Variants in REN observed in about 807,000 individuals in gnomAD.
REN encodes renin.
A neutral mutation model predicts 48.6 loss-of-function variants in REN; 42 were observed. The ratio of observed to expected loss-of-function variants is 0.86; its 90% confidence interval spans 0.68 to 1.12. REN has a LOEUF of 1.12. REN is among the 50% of genes most tolerant of loss of function. The pLI, the probability that REN is intolerant of heterozygous loss-of-function variation, is 0.00. For missense variants in REN, 443 were observed against 527.3 expected, an observed-to-expected ratio of 0.84 and a Z score of 1.57; for synonymous variants, 196 against 204.6, an observed-to-expected ratio of 0.96 and a Z score of 0.36.
At position 204,162,022 on chromosome 1, in the gene REN, G is replaced by A. The variant is rs370445623; in HGVS notation, c.240C>T (p.Asn80=). The A allele has an allele frequency of 6.2e-7, 1 of 1,614,094 alleles. No homozygotes were observed. Among genetic ancestry groups the A allele is most frequent in the African/African-American group, 1.3e-5 (1 of 74,930 alleles). ...TGAGCCAAGCACTCACGTCCATGTA[G>A]TTGGTGAGGATCACGGAGGAGGTGG... ...GNTTSSVILT[N]YMDTQYYGEI... Residue 80 remains asparagine, a synonymous_variant, in exon 2 of 10, where the codon AAC becomes AAT. Coordinates refer to ENST00000272190, the MANE Select transcript of REN (RefSeq NM_000537.4).
Position 204,156,843 on chromosome 1 carries a change from C to T in REN, c.699-47G>A, listed in dbSNP as rs1321123521. 6.8e-6 allele frequency: 11 copies of T among 1,610,462 alleles called. No homozygotes were observed. The highest frequency in any genetic ancestry group is 9.3e-6 in the Non-Finnish European group (11 of 1,179,918). ...CTTGGAAACCCATAACCTCCAGGAC[C>T]CAGCAACTCAGGCAATTGGGGAAGG... On this transcript the variant is annotated intron_variant, in intron 6 of 9. Transcript: ENST00000272190. The surrounding 1 kb of genome is among the most constrained non-coding windows in gnomAD (Gnocchi z 4.2).
At chr1:204,162,546 G>A (rs1658267088) in intron 1 of REN, among the ~76,000 whole-genome samples, 1 of 152,226 alleles carries the variant, frequency 6.6e-6, no homozygotes, top group African/African-American at 2.4e-5. Flanking sequence ...CTGCCTTTAA[G>A]GAACTCCACC....
intron 5 of REN, 46 bp downstream of exon 5, chr1:204,159,353 T>G (rs1220710919): frequency 6.4e-7 from 1 of 1,559,868 alleles, no homozygotes; most frequent in Non-Finnish European, 8.8e-7. Flanking sequence ...CCATCTCTTC[T>G]CCCCTCCTGT....
rs538950580 is a variant in REN, at chr1:204,160,732, C to T, written c.374-54G>A. 1.0e-5 allele frequency: 13 copies of T among 1,295,268 alleles called. No homozygotes were observed. The East Asian group carries it at 1.2e-4, about 11-fold the overall frequency. The allele number at this position is 1,295,268 out of a possible 1,614,324, so 80.2% of individuals were successfully genotyped here. ...TCCAAGAGTGGCCCAGACAGGGGGA[C>T]TCAGAGGCAGGGTGCATTGTGGGTA... On this transcript the variant is annotated intron_variant, in intron 3 of 9. Transcript: ENST00000272190.
rs768667467 is a variant in REN at position 204,162,044 on chromosome 1, G to T, written c.218C>A (p.Thr73Asn). ...GTAGTTGGTGAGGATCACGGAGGAG[G>T]TGGTGTTGCCAAGTGTCAGCCTCTT... The part of the protein sequence containing the change: ...PMKRLTLGNT[T>N]SSVILTNYMD... The change falls in exon 2 of 10, where the codon ACC becomes AAC. Residue 73 changes from threonine to asparagine, a missense_variant. Thr to Asn is a moderately conservative substitution (Grantham distance 65). Coordinates refer to ENST00000272190, the MANE Select transcript of REN (RefSeq NM_000537.4). 1 of 1,614,192 alleles carries T rather than the reference G, an allele frequency of 6.2e-7. No individual in the cohort carries two copies. The highest frequency in any genetic ancestry group is 1.7e-5 in the Admixed American group (1 of 60,024).
intron 1 of REN, among the ~76,000 whole-genome samples, chr1:204,163,290 A>G (rs1658282109): frequency 1.3e-5 from 2 of 152,020 alleles, no homozygotes; most frequent in African/African-American, 4.8e-5. Context: ...ACTTACCCCC[A>G]TTTTGCCCAT....
chr1:204,154,950 A>T lies in REN; in HGVS notation c.*66T>A. The T allele has an allele frequency of 6.3e-7, 1 of 1,581,242 alleles. No homozygotes were observed. The highest frequency in any genetic ancestry group is 8.6e-7 in the Non-Finnish European group (1 of 1,156,446). On this transcript the variant is annotated 3_prime_UTR_variant, in exon 10 of 10. Transcript: ENST00000272190. The stretch of plus-strand genomic sequence containing the variant: ...AGGGCATAAGCCCAGGCAGAGGGGC[A>T]TCTCAGAGAGTGTTCCAGCTCTGGG...
intron 5 of REN, among the ~76,000 whole-genome samples, chr1:204,158,549 T>C (rs923924875): frequency 6.6e-6 from 1 of 151,980 alleles, no homozygotes; most frequent in African/African-American, 2.4e-5. Context: ...CCCAAAGTGC[T>C]GGGATTACAG....
chr1:204,155,432 G>T (rs11571090), intron 9 of REN, among the ~76,000 whole-genome samples: 1,534 of 152,302 alleles, frequency 0.01, 13 homozygotes, highest in Non-Finnish European at 0.016. Context: ...CTTACAGTTT[G>T]CCTTAGCTTC....
intron 1 of REN, among the ~76,000 whole-genome samples, chr1:204,164,523 G>T: frequency 6.8e-6 from 1 of 146,844 alleles, no homozygotes; most frequent in African/African-American, 2.5e-5. Flanking sequence ...CCCTTTCTCT[G>T]TGAGGCCTTT....
chr1:204,162,244 G>T, intron 1 of REN, 81 bp from the exon 2 acceptor site: 2 of 1,496,108 alleles, frequency 1.3e-6, no homozygotes, highest in Non-Finnish European at 9.2e-7. Context: ...CCAAACCCCT[G>T]CTTTTAGTAC....
chr1:204,164,158 T>C (rs1030167130), intron 1 of REN, among the ~76,000 whole-genome samples: 1 of 152,216 alleles, frequency 6.6e-6, no homozygotes, highest in African/African-American at 2.4e-5. Context: ...GTTTTTACTT[T>C]CCTCTACCTT....
Position 204,156,296 on chromosome 1 carries a change from A to G in REN, c.842T>C (p.Leu281Ser). The change falls in exon 8 of 10, where the codon TTG becomes TCG. Residue 281 changes from leucine to serine, a missense_variant. Transcript: ENST00000272190. The surrounding 1 kb of genome is among the most constrained non-coding windows in gnomAD (Gnocchi z 4.2). ...MKGVSVGSST[L>S]LCEDGCLALV... ...TGCCAGGCAGCCGTCTTCACAGAGCAAGGTGGATGACCCCACAGACACCCT... is the reference window on the plus strand; with the variant it reads ...TGCCAGGCAGCCGTCTTCACAGAGCGAGGTGGATGACCCCACAGACACCCT... The G allele has an allele frequency of 6.2e-7, 1 of 1,613,876 alleles. No homozygotes were observed. The highest frequency in any genetic ancestry group is 8.5e-7 in the Non-Finnish European group (1 of 1,179,860).
At position 204,162,005 on chromosome 1, in the gene REN, G is replaced by A. The variant is rs762215293; in HGVS notation, c.249+8C>T. ...GGGAGGGAGCGAGGGGCTGAGCCAA[G>A]CACTCACGTCCATGTAGTTGGTGAG... On this transcript the variant is annotated splice_region_variant and intron_variant, in intron 2 of 9. Transcript: ENST00000272190. The A allele has an allele frequency of 6.2e-7, 1 of 1,614,124 alleles. No individual in the cohort carries two copies. Among genetic ancestry groups the A allele is most frequent in the Non-Finnish European group, 8.5e-7 (1 of 1,179,950 alleles).
chr1:204,156,821 G>T lies in REN; in HGVS notation c.699-25C>A. 6.2e-7 allele frequency: 1 copy of T among 1,613,138 alleles called. No individual in the cohort carries two copies. Among genetic ancestry groups the T allele is most frequent in the Non-Finnish European group, 8.5e-7 (1 of 1,180,026 alleles). The stretch of plus-strand genomic sequence containing the variant: ...CCTAAAGGAAAGATCAGAAGCTCTT[G>T]GAAACCCATAACCTCCAGGACCCAG... On this transcript the variant is annotated intron_variant, in intron 6 of 9. Coordinates refer to ENST00000272190, the MANE Select transcript of REN (RefSeq NM_000537.4). The surrounding 1 kb of genome is among the most constrained non-coding windows in gnomAD (Gnocchi z 4.2).
At chr1:204,161,518 C>A in intron 2 of REN, 103 bp from the exon 3 acceptor site, 1 of 1,175,618 alleles carries the variant, frequency 8.5e-7, no homozygotes, top group Non-Finnish European at 1.1e-6. Flanking sequence ...TTGGCCCAGG[C>A]GAGGTCCTAT....
At chr1:204,163,269 C>T (rs1658281768) in intron 1 of REN, among the ~76,000 whole-genome samples, 1 of 152,168 alleles carries the variant, frequency 6.6e-6, no homozygotes, top group Non-Finnish European at 1.5e-5. Flanking sequence ...TTCTTGCGTC[C>T]CATGCATTCT....
intron 1 of REN, among the ~76,000 whole-genome samples, chr1:204,163,662 C>T (rs11571079): frequency 0.036 from 5,487 of 152,284 alleles, 132 homozygotes; most frequent in Non-Finnish European, 0.05. Flanking sequence ...CCCAAGGCCT[C>T]CAGCCCACAC....
Position 204,157,149 on chromosome 1 carries a change from G to C in REN, c.698+212C>G, listed in dbSNP as rs191159345. ...TCACTCTTGGGTTGCTGCTGATTGA[G>C]CAGGTGCATGGGAGGGGACCCTGGG... is the stretch of plus-strand genomic sequence containing the variant. On this transcript the variant is annotated intron_variant, in intron 6 of 9. Coordinates refer to ENST00000272190, the MANE Select transcript of REN (RefSeq NM_000537.4). Among the ~76,000 whole-genome samples the C allele has an allele frequency of 5.3e-5, 8 of 152,338 alleles. No homozygotes were observed. In the East Asian group the frequency reaches 1.5e-3, roughly 29 times the overall value.
Sources: allele counts gnomAD v4.1 joint callset (sites outside exome capture counted in the v4.1 genomes callset), GRCh38; gene constraint gnomAD v4.1.1; non-coding constraint Gnocchi (gnomAD v3.1); transcripts MANE v1.5; gene names NCBI Gene and HGNC (gene_info 2026-07-23, HGNC 2026-07-21).